Variants in OLFML2A observed in about 807,000 individuals in gnomAD.
OLFML2A encodes the protein olfactomedin like 2A.
In OLFML2A, 47 loss-of-function variants were observed where a neutral mutation model predicts 60.9. The ratio of observed to expected loss-of-function variants is 0.77; its 90% CI spans 0.61 to 0.98. OLFML2A has a LOEUF of 0.98. OLFML2A is among the 50% of genes least tolerant of loss of function. The pLI, the probability that OLFML2A is intolerant of heterozygous loss-of-function variation, is 0.00. For synonymous variants in OLFML2A, 372 were observed against 375.0 expected (o/e 0.99, Z 0.09); for missense variants, 922 against 879.8 (o/e 1.05, Z -0.61).
In OLFML2A at chr9:124,801,656, G is replaced by A. The variant is rs773281458; in HGVS notation, c.912G>A (p.Ala304=). ...YKAGKQEVTE[A]VADNTLQGTS... is the part of the protein sequence containing the mutation. The stretch of plus-strand genomic sequence containing the variant: ...CAGGCAAGCAGGAGGTGACCGAGGC[G>A]GTGGCAGGTGAGTAGGAGGGGAATG... The change falls in exon 5 of 8, where the codon GCG becomes GCA. Residue 304 remains alanine (A), a synonymous_variant. Coordinates refer to ENST00000373580, the MANE Select transcript of OLFML2A (RefSeq NM_182487.4). 34 of 1,612,626 alleles carry A rather than the reference G, an allele frequency of 2.1e-5. No individual in the cohort carries two copies. Among genetic ancestry groups the A allele is most frequent in the Admixed American group, 1.2e-4 (7 of 59,972 alleles).
intron 2 of OLFML2A, 85 bp downstream of exon 2, chr9:124,787,323 T>C (rs1045059406): frequency 1.6e-5 from 21 of 1,343,358 alleles, no homozygotes; most frequent in Non-Finnish European, 2.2e-5. Context: ...CCACACACTC[T>C]GTGAGGCGAG....
Position 124,810,452 on chromosome 9 carries a change from G to A in OLFML2A, c.*40G>A. 1 of 1,548,750 alleles carries A rather than the reference G, an allele frequency of 6.5e-7. No individual in the cohort carries two copies. The highest frequency in any genetic ancestry group is 8.7e-7 in the Non-Finnish European group (1 of 1,151,460). Reference sequence around the variant, plus strand: ...TCCCCGGAGAGGGGCAGCAGTGCGGGAGGGGCTTTGCACAGCAGCTCCTGC... The same window carrying A: ...TCCCCGGAGAGGGGCAGCAGTGCGGAAGGGGCTTTGCACAGCAGCTCCTGC... On this transcript the variant is annotated 3_prime_UTR_variant, in exon 8 of 8. Transcript: ENST00000373580.
intron 2 of OLFML2A, among the ~76,000 whole-genome samples, chr9:124,792,382 C>T (rs1841584925): frequency 6.6e-6 from 1 of 152,228 alleles, no homozygotes; most frequent in Non-Finnish European, 1.5e-5. Flanking sequence ...CTGTGTGTCA[C>T]TACCTGTGTC....
chr9:124,793,611 G>A (rs547259452), intron 2 of OLFML2A, among the ~76,000 whole-genome samples: 1 of 152,222 alleles, frequency 6.6e-6, no homozygotes, highest in South Asian at 2.1e-4. Flanking sequence ...CAAGTCACTT[G>A]CCCCCTCTGA....
At chr9:124,808,361 T>C (rs10986432) in intron 7 of OLFML2A, among the ~76,000 whole-genome samples, 24,975 of 152,164 alleles carry the variant, frequency 0.16, 2,413 homozygotes, top group Admixed American at 0.26. Context: ...TTATCACCTG[T>C]TTTATAGGTG....
At position 124,811,595 on chromosome 9, in the gene OLFML2A, G is replaced by A. The variant is rs1842022372; in HGVS notation, c.*1183G>A. ...AGGGGAGGCATCAGGCCTTCTTCTG[G>A]TTGCAGGAGAGAACCAGAGGGTGGG... On this transcript the variant is annotated 3_prime_UTR_variant, in exon 8 of 8. Transcript: ENST00000373580. 6.6e-6 allele frequency: 1 copy of A among 152,360 alleles called. No homozygotes were observed. Among genetic ancestry groups the A allele is most frequent in the African/African-American group, 2.4e-5 (1 of 41,464 alleles). 9.4% of individuals were successfully genotyped at this position (152,360 alleles called of 1,614,324 possible). A position where few individuals can be genotyped will look rare whatever the true frequency, so the allele number is the denominator to read the frequency against.
chr9:124,795,168 T>A, intron 3 of OLFML2A, 37 bp downstream of exon 3: 3 of 1,305,010 alleles, frequency 2.3e-6, no homozygotes, highest in Admixed American at 1.9e-5. Flanking sequence ...CAGGCTGCTC[T>A]GGTGCTGGGG....
In OLFML2A at chr9:124,810,591, C is replaced by G; in HGVS notation, c.*179C>G. On this transcript the variant is annotated 3_prime_UTR_variant, in exon 8 of 8. Coordinates refer to ENST00000373580, the MANE Select transcript of OLFML2A (RefSeq NM_182487.4). ...ACCCAGTGGGTAATACTTGCTTCCA[C>G]TTGCAGAGCACCGTGCCAAGCACTT... 1.6e-6 allele frequency: 1 copy of G among 625,366 alleles called. No individual in the cohort carries two copies. Among genetic ancestry groups the G allele is most frequent in the Non-Finnish European group, 2.8e-6 (1 of 360,820 alleles). The allele number at this position is 625,366 out of a possible 1,614,324, so 38.7% of individuals were successfully genotyped here.
At chr9:124,798,289 G>T (rs1017465654) in intron 3 of OLFML2A, among the ~76,000 whole-genome samples, 3 of 152,068 alleles carry the variant, frequency 2.0e-5, no homozygotes, top group Non-Finnish European at 4.4e-5. Context: ...ATCACTTGAG[G>T]TCAGGAGTTC....
intron 6 of OLFML2A, among the ~76,000 whole-genome samples, chr9:124,805,537 G>A (rs1485858146): frequency 6.6e-6 from 1 of 152,058 alleles, no homozygotes; most frequent in Non-Finnish European, 1.5e-5. Context: ...GTTTTTTAAA[G>A]TATGTCTGCA....
chr9:124,804,076 G>T lies in OLFML2A; in HGVS notation c.920-18G>T. ...CAGGTGGTGCTGAGATTTGAGCACA[G>T]GGGTCTTCTCTCTGCAGACAACACC... On this transcript the variant is annotated intron_variant, in intron 5 of 7. Coordinates refer to ENST00000373580, the MANE Select transcript of OLFML2A (RefSeq NM_182487.4). 6.2e-7 allele frequency: 1 copy of T among 1,612,564 alleles called. No individual in the cohort carries two copies. The highest frequency in any genetic ancestry group is 1.1e-5 in the South Asian group (1 of 90,946).
chr9:124,806,012 C>T (rs1054716644), intron 6 of OLFML2A, among the ~76,000 whole-genome samples: 4 of 151,538 alleles, frequency 2.6e-5, no homozygotes, highest in East Asian at 1.9e-4. Flanking sequence ...GACAGTGTTT[C>T]GCCATGTTGA....
At chr9:124,782,142 CCT>C (rs1165666010) in intron 1 of OLFML2A, among the ~76,000 whole-genome samples, 1 of 152,244 alleles carries the variant, frequency 6.6e-6, no homozygotes, top group Non-Finnish European at 1.5e-5. Context: ...CCCAGGGCCC[CCT>C]CTCTACAGAC....
Position 124,777,976 on chromosome 9 carries a change from C to T in OLFML2A, c.90+616C>T, listed in dbSNP as rs563444755. 1.1e-4 allele frequency among the ~76,000 whole-genome samples: 17 copies of T among 152,298 alleles called. No individual in the cohort carries two copies. The highest frequency in any genetic ancestry group is 3.4e-4 in the African/African-American group (14 of 41,568). On this transcript the variant is annotated intron_variant, in intron 1 of 7. Transcript: ENST00000373580. This position sits in a 1 kb window ranked among gnomAD's most constrained non-coding sequence, Gnocchi z 6.2. The stretch of plus-strand genomic sequence containing the variant: ...ATCCGCCATCGCCCATCTGAGCCTC[C>T]GTCTATTCACCTGTAGATACAGGGA...
At chr9:124,791,716 C>T (rs376788102) in intron 2 of OLFML2A, among the ~76,000 whole-genome samples, 2 of 121,154 alleles carry the variant, frequency 1.7e-5, no homozygotes, top group South Asian at 2.7e-4. Flanking sequence ...CCAGCCTGGG[C>T]GACAGAGCGA....
At chr9:124,803,014 T>C (rs2131272201) in intron 5 of OLFML2A, among the ~76,000 whole-genome samples, 1 of 152,216 alleles carries the variant, frequency 6.6e-6, no homozygotes, top group East Asian at 1.9e-4. Context: ...ATTCAAGCAA[T>C]TCTCTCGCCT....
chr9:124,799,134 A>G (rs375758781), intron 3 of OLFML2A, 151 bp from the exon 4 acceptor site: 93 of 578,770 alleles, frequency 1.6e-4, no homozygotes, highest in Non-Finnish European at 2.6e-4. Context: ...CTTGGAGCCT[A>G]TTTTTCCTGC....
chr9:124,785,832 G>A (rs987050890), intron 1 of OLFML2A, among the ~76,000 whole-genome samples: 3 of 151,934 alleles, frequency 2.0e-5, no homozygotes, highest in African/African-American at 7.3e-5. Flanking sequence ...TTAAATTGTC[G>A]AACCAGGTGA....
At chr9:124,787,529 T>TTTA (rs1841498945) in intron 2 of OLFML2A, among the ~76,000 whole-genome samples, 1 of 137,268 alleles carries the variant, frequency 7.3e-6, no homozygotes. Flanking sequence ...TTGTTTTTAT[T>TTTA]TTATTTTATT....
Sources: allele counts gnomAD v4.1 joint callset (sites outside exome capture counted in the v4.1 genomes callset), GRCh38; gene constraint gnomAD v4.1.1; non-coding constraint Gnocchi (gnomAD v3.1); transcripts MANE v1.5; gene names NCBI Gene and HGNC (gene_info 2026-07-23, HGNC 2026-07-21).